ROBO2: variants seen among roughly 807,000 people sequenced by gnomAD.
The protein encoded by ROBO2 is roundabout guidance receptor 2.
ROBO2 carries 53 observed loss-of-function variants against 160.8 expected under a neutral mutation model. The ratio of observed to expected loss-of-function variants is 0.33; its 90% CI spans 0.26 to 0.41. ROBO2 has a LOEUF of 0.41. Among genes scored for constraint, ROBO2 ranks in the 10% least tolerant of loss-of-function variants. The pLI is 1.00. For synonymous variants in ROBO2, 664 were observed against 611.7 expected, an observed-to-expected ratio of 1.09 and a Z score of -1.26; for missense variants, 1,577 against 1,722.4, an observed-to-expected ratio of 0.92 and a Z score of 1.49.
intron 2 of ROBO2, among the ~76,000 whole-genome samples, chr3:77,134,453 C>G (rs1309681182): frequency 6.6e-6 from 1 of 152,104 alleles, no homozygotes; most frequent in African/African-American, 2.4e-5. Flanking sequence ...CCTTGCTTTC[C>G]AGGTATCTGG....
intron 2 of ROBO2, among the ~76,000 whole-genome samples, chr3:77,408,574 T>A (rs11720411): frequency 0.69 from 104,733 of 152,050 alleles, 37,229 homozygotes; most frequent in African/African-American, 0.87. Flanking sequence ...CTTTTGTTGT[T>A]TTTTATAATA....
At chr3:76,671,823 T>C (rs2092272751) in intron 2 of ROBO2, among the ~76,000 whole-genome samples, 1 of 152,120 alleles carries the variant, frequency 6.6e-6, no homozygotes, top group Non-Finnish European at 1.5e-5. Flanking sequence ...TTTAAATTAC[T>C]GCTATAATTT....
At chr3:76,411,636 C>T (rs1233551882) in intron 2 of ROBO2, among the ~76,000 whole-genome samples, 1 of 152,106 alleles carries the variant, frequency 6.6e-6, no homozygotes, top group Non-Finnish European at 1.5e-5. Context: ...ATCCAACTCT[C>T]CCTCCAACAT....
intron 2 of ROBO2, among the ~76,000 whole-genome samples, chr3:76,523,614 G>C (rs1360634999): frequency 1.3e-5 from 2 of 152,008 alleles, no homozygotes; most frequent in Non-Finnish European, 2.9e-5. Flanking sequence ...CAACACACCA[G>C]ATGTACAGCT....
chr3:77,442,355 G>C (rs2080031958), intron 2 of ROBO2, among the ~76,000 whole-genome samples: 1 of 151,854 alleles, frequency 6.6e-6, no homozygotes. Flanking sequence ...TCATGTGTTT[G>C]TTGCATGATG....
chr3:76,472,090 TGTGTGTGTGTGC>T (rs1055793127), intron 2 of ROBO2, among the ~76,000 whole-genome samples: 14 of 125,374 alleles, frequency 1.1e-4, no homozygotes, highest in African/African-American at 4.2e-4. Context: ...TGTGTGTGTG[TGTGTGTGTGTGC>T]GCGTGTGCGT....
intron 2 of ROBO2, among the ~76,000 whole-genome samples, chr3:77,100,217 C>A (rs2071718481): frequency 6.6e-6 from 1 of 152,044 alleles, no homozygotes; most frequent in Non-Finnish European, 1.5e-5. Flanking sequence ...AGTAAATGAG[C>A]TTTAAGAAAT....
intron 2 of ROBO2, among the ~76,000 whole-genome samples, chr3:77,369,037 A>G (rs1455333972): frequency 6.6e-6 from 1 of 152,152 alleles, no homozygotes; most frequent in Non-Finnish European, 1.5e-5. Flanking sequence ...AACATTGGCA[A>G]ATTACAGTTT....
At chr3:77,244,082 CATT>C (rs569997232) in intron 2 of ROBO2, among the ~76,000 whole-genome samples, 35 of 152,134 alleles carry the variant, frequency 2.3e-4, no homozygotes, top group Non-Finnish European at 4.7e-4. Context: ...GTGACTGTAT[CATT>C]ATAATATACG....
At chr3:77,617,643 G>A (rs1305087296) in exon 22 of ROBO2, 1 of 1,614,012 alleles carries the variant, frequency 6.2e-7, no homozygotes, top group African/African-American at 1.3e-5. Context: ...TTCTTCTCCT[G>A]CTATCTCCTT....
rs529671104 is a variant in ROBO2, at chr3:76,369,700, C to A, written c.109+432098C>A. Among the ~76,000 whole-genome samples, 13 of 152,026 alleles carry A rather than the reference C, an allele frequency of 8.6e-5. No homozygotes were observed. In the East Asian group the frequency reaches 2.3e-3, roughly 27 times the overall value. Reference sequence around the variant, plus strand: ...ATCTTTGGTTTGTCTCTCTCCTTGTCCTTTTGCAACTCTCCAGCTACTTAT... The same window carrying A: ...ATCTTTGGTTTGTCTCTCTCCTTGTACTTTTGCAACTCTCCAGCTACTTAT... On this transcript the variant is annotated intron_variant, in intron 2 of 26. Transcript: ENST00000487694.
chr3:77,105,251 CAT>C (rs1419610438), intron 2 of ROBO2, among the ~76,000 whole-genome samples: 2 of 152,182 alleles, frequency 1.3e-5, no homozygotes, highest in Non-Finnish European at 2.9e-5. Flanking sequence ...CACAAACAAA[CAT>C]ATCAACTTAA....
At chr3:76,444,468 G>A (rs2324617) in intron 2 of ROBO2, among the ~76,000 whole-genome samples, 90,865 of 151,990 alleles carry the variant, frequency 0.6, 28,802 homozygotes, top group African/African-American at 0.82. Flanking sequence ...GGTTTAATTG[G>A]CTTACATTTC....
chr3:76,341,493 C>T (rs1410779257), intron 2 of ROBO2, among the ~76,000 whole-genome samples: 1 of 135,944 alleles, frequency 7.4e-6, no homozygotes, highest in Non-Finnish European at 1.6e-5. Context: ...ATAATATTTA[C>T]TATCTCTTTA....
At position 77,057,569 on chromosome 3, in the gene ROBO2, A is replaced by ATTTTTT. The variant is rs71104648; in HGVS notation, c.61+16738_61+16743dup. Among the ~76,000 whole-genome samples the ATTTTTT allele has an allele frequency of 4.9e-3, 517 of 105,214 alleles. 15 individuals carry two copies. Among genetic ancestry groups the ATTTTTT allele is most frequent in the East Asian group, 8.1e-3 (26 of 3,212 alleles). The allele number at this position is 105,214 out of a possible 152,430, so 69.0% of individuals were successfully genotyped here. On this transcript the variant is annotated intron_variant, in intron 1 of 25. Coordinates refer to ENST00000461745, the Ensembl canonical transcript of ROBO2. ...AGCTATACCTTTTAGATTCCAGAGGATTTTTTTTTTTTTTTTTTTTGAGAT... is the reference window on the plus strand; with the variant it reads ...AGCTATACCTTTTAGATTCCAGAGGATTTTTTTTTTTTTTTTTTTTTTTTTTGAGAT...
chr3:76,535,081 C>T lies in ROBO2; in HGVS notation c.110-562933C>T, dbSNP rs148893044. Among the ~76,000 whole-genome samples the T allele has an allele frequency of 5.1e-3, 772 of 151,514 alleles. 10 individuals are homozygous for T. The highest frequency in any genetic ancestry group is 0.018 in the African/African-American group (753 of 41,250). Reference sequence around the variant, plus strand: ...ATGTCAGGGTCAGTCCAAGTAAAGGCGAAAAGAGGCTGGGAGGAGGGATGC... The same window carrying T: ...ATGTCAGGGTCAGTCCAAGTAAAGGTGAAAAGAGGCTGGGAGGAGGGATGC... On this transcript the variant is annotated intron_variant, in intron 2 of 26. Transcript: ENST00000487694.
At chr3:76,817,827 CTTTTTTT>C (rs78546104) in intron 2 of ROBO2, among the ~76,000 whole-genome samples, 1 of 129,494 alleles carries the variant, frequency 7.7e-6, no homozygotes, top group East Asian at 2.3e-4. Context: ...TATTTCATTC[CTTTTTTT>C]TTTTTTTTTT....
chr3:76,028,926 A>G (rs2066829457), intron 2 of ROBO2, among the ~76,000 whole-genome samples: 1 of 152,076 alleles, frequency 6.6e-6, no homozygotes, highest in Admixed American at 6.6e-5. Context: ...CTCTGCTGTG[A>G]TCCTATTTTG....
chr3:77,135,397 T>A lies in ROBO2; in HGVS notation c.388+37057T>A, dbSNP rs143646200. On this transcript the variant is annotated intron_variant, in intron 2 of 25. Coordinates refer to ENST00000461745, the Ensembl canonical transcript of ROBO2. ...ATTTCCAGAGAAATCAATCTCTTTT[T>A]AATTTAATTAATTTTTTTTTAGAAA... Among the ~76,000 whole-genome samples the A allele has an allele frequency of 4.3e-4, 66 of 152,222 alleles. No homozygotes were observed. In the East Asian group the frequency reaches 0.012, roughly 29 times the overall value.
Sources: gnomAD v4.1 joint callset for allele counts (sites outside exome capture counted in the v4.1 genomes callset) on GRCh38, gnomAD v4.1.1 for gene constraint, MANE v1.5 for transcripts, NCBI Gene and HGNC (gene_info 2026-07-23, HGNC 2026-07-21) for gene names.